The following DMD variants were observed in gnomAD, a reference collection of about 807,000 sequenced individuals.
The protein encoded by DMD is dystrophin.
A neutral mutation model predicts 330.1 loss-of-function variants in DMD; 63 were observed. The ratio of observed to expected loss-of-function variants is 0.19; its 90% CI spans 0.16 to 0.24. The LOEUF (loss-of-function observed/expected upper bound fraction) is 0.24. Among genes scored for constraint, DMD ranks in the 10% least tolerant of loss-of-function variants. DMD has a pLI of 1.00. For synonymous variants in DMD, 1,223 were observed against 959.8 expected, an observed-to-expected ratio of 1.27 and a Z score of -5.07; for missense variants, 3,344 against 2,684.1, an observed-to-expected ratio of 1.25 and a Z score of -5.43.
intron 1 of DMD, among the ~76,000 whole-genome samples, chrX:33,196,970 G>T (rs1479965220): frequency 9.0e-6 from 1 of 111,286 alleles, no homozygotes; most frequent in Non-Finnish European, 1.9e-5. Flanking sequence ...AGGGTTTTTG[G>T]TCATAAACAA....
chrX:32,490,721 C>A (rs1027870711), intron 20 of DMD, among the ~76,000 whole-genome samples: 4 of 111,937 alleles, frequency 3.6e-5, no homozygotes, highest in Middle Eastern at 4.2e-3. Context: ...GGGGTAAGAA[C>A]TCTGATGCTG....
At chrX:33,319,552 C>T (rs2053984470) in intron 1 of DMD, among the ~76,000 whole-genome samples, 1 of 111,869 alleles carries the variant, frequency 8.9e-6, no homozygotes, top group African/African-American at 3.2e-5. Context: ...CACTTGTCAT[C>T]TTTCTTTTAA....
At chrX:31,861,946 T>TACACACACACACAC (rs60169449) in intron 48 of DMD, among the ~76,000 whole-genome samples, 5 of 87,965 alleles carry the variant, frequency 5.7e-5, no homozygotes, top group Admixed American at 1.3e-4. Flanking sequence ...GAAAATAATA[T>TACACACACACACAC]ACACACACAC....
chrX:31,563,943 A>G (rs2075332939), intron 55 of DMD, among the ~76,000 whole-genome samples: 1 of 111,640 alleles, frequency 9.0e-6, no homozygotes, highest in African/African-American at 3.3e-5. Context: ...TACAGAGATA[A>G]TCAACTTAAA....
chrX:32,364,734 T>C, intron 35 of DMD, 24 bp from the exon 36 acceptor site: 2 of 1,197,917 alleles, frequency 1.7e-6, no homozygotes, highest in Non-Finnish European at 2.3e-6. Flanking sequence ...AGACATACCA[T>C]GGCATTATTG....
chrX:32,666,192 CTTTT>C (rs962779294), intron 9 of DMD, among the ~76,000 whole-genome samples: 1 of 110,855 alleles, frequency 9.0e-6, no homozygotes, highest in African/African-American at 3.3e-5. Context: ...TCCTAGGTGT[CTTTT>C]TTTATTATTA....
chrX:32,963,337 T>A (rs1433416858), intron 2 of DMD, among the ~76,000 whole-genome samples: 1 of 111,900 alleles, frequency 8.9e-6, no homozygotes, highest in Non-Finnish European at 1.9e-5. Flanking sequence ...ATAACCTCAA[T>A]TGCAAGAGGA....
At chrX:33,198,841 T>C (rs2148820728) in intron 1 of DMD, among the ~76,000 whole-genome samples, 1 of 110,744 alleles carries the variant, frequency 9.0e-6, no homozygotes, top group Non-Finnish European at 1.9e-5. Context: ...TAGGGGATTT[T>C]GATGTCTATC....
intron 63 of DMD, among the ~76,000 whole-genome samples, chrX:31,231,403 G>C (rs2047190736): frequency 9.0e-6 from 1 of 111,531 alleles, no homozygotes; most frequent in African/African-American, 3.3e-5. Flanking sequence ...AGGCAGAACT[G>C]TTTTATAACT....
At chrX:31,311,575 G>A (rs2055524774) in intron 62 of DMD, among the ~76,000 whole-genome samples, 1 of 111,502 alleles carries the variant, frequency 9.0e-6, no homozygotes, top group African/African-American at 3.3e-5. Flanking sequence ...TTGAATTCAG[G>A]TGGTGTGATG....
In DMD at chrX:31,343,817, T is replaced by G. The variant is rs888990045; in HGVS notation, c.9163+4739A>C. Among the ~76,000 whole-genome samples the G allele has an allele frequency of 3.6e-5, 4 of 110,370 alleles. No homozygotes were observed. The Admixed American group carries it at 3.9e-4, about 11-fold the overall frequency. On this transcript the variant is annotated intron_variant, in intron 61 of 78. Transcript: ENST00000357033. ...TAACCTGAAAGCACATTACTAAACA[T>G]GTATCAACTCAGGCCTGTCTAAAAA...
At chrX:31,507,533 G>A (rs896567370) in intron 55 of DMD, 80 bp from the exon 56 acceptor site, 28 of 937,290 alleles carry the variant, frequency 3.0e-5, no homozygotes, top group Non-Finnish European at 4.0e-5. Context: ...TTGGAGAATT[G>A]CAAAATATAA....
chrX:32,886,576 G>T (rs1034733207), intron 2 of DMD, among the ~76,000 whole-genome samples: 1 of 109,996 alleles, frequency 9.1e-6, no homozygotes, highest in African/African-American at 3.3e-5. Context: ...CCAGCTACTC[G>T]GGAGGCTGAG....
At chrX:31,989,132 A>G (rs1039009678) in intron 44 of DMD, among the ~76,000 whole-genome samples, 6 of 111,921 alleles carry the variant, frequency 5.4e-5, no homozygotes, top group Non-Finnish European at 9.4e-5. Flanking sequence ...TAGGTCCTCA[A>G]TTGATTGGAT....
At chrX:33,263,438 A>AATATATATAT (rs765418939) in intron 1 of DMD, among the ~76,000 whole-genome samples, 16 of 103,938 alleles carry the variant, frequency 1.5e-4, no homozygotes, top group African/African-American at 5.2e-4. Flanking sequence ...CTTTTTAAAA[A>AATATATATAT]ATATATATAT....
chrX:33,026,608 G>A (rs1026882852), intron 1 of DMD, among the ~76,000 whole-genome samples: 4 of 110,874 alleles, frequency 3.6e-5, no homozygotes, highest in Non-Finnish European at 7.6e-5. Flanking sequence ...AAAATGGTAT[G>A]AAAAATGCTT....
intron 42 of DMD, among the ~76,000 whole-genome samples, chrX:32,306,269 C>A (rs1295439502): frequency 1.8e-5 from 2 of 110,771 alleles, no homozygotes; most frequent in Non-Finnish European, 3.8e-5. Context: ...AATCCACATT[C>A]CTTAGGTTTA....
At chrX:31,908,368 T>C (rs1228597732) in intron 47 of DMD, among the ~76,000 whole-genome samples, 1 of 111,559 alleles carries the variant, frequency 9.0e-6, no homozygotes, top group Non-Finnish European at 1.9e-5. Flanking sequence ...ATACACACCA[T>C]GGAATACTAC....
At position 31,893,654 on chromosome X, in the gene DMD, T is replaced by C. The variant is rs114960752; in HGVS notation, c.6913-18281A>G. Among the ~76,000 whole-genome samples the C allele has an allele frequency of 3.2e-3, 355 of 109,801 alleles. 2 individuals are homozygous for C. Among genetic ancestry groups the C allele is most frequent in the African/African-American group, 0.011 (346 of 30,207 alleles). The stretch of plus-strand genomic sequence containing the variant: ...GGATGCCTGGTGGTAGTTTCCCTTG[T>C]AGGAGGGATAGGCAGGGTAATCAAG... On this transcript the variant is annotated intron_variant, in intron 47 of 78. Coordinates refer to ENST00000357033, the MANE Select transcript of DMD (RefSeq NM_004006.3).
Sources: allele counts gnomAD v4.1 joint callset (sites outside exome capture counted in the v4.1 genomes callset), GRCh38; gene constraint gnomAD v4.1.1; transcripts MANE v1.5; gene names NCBI Gene and HGNC (gene_info 2026-07-23, HGNC 2026-07-21).